DNAH12: variants seen among roughly 807,000 people sequenced by gnomAD.
DNAH12 encodes axonemal beta dynein heavy chain 12.
In DNAH12, 285 loss-of-function variants were observed where a neutral mutation model predicts 371.5. The observed-to-expected ratio is 0.77, with a 90% CI of 0.70 to 0.85. The LOEUF is 0.85. Among genes scored for constraint, DNAH12 ranks in the 40% least tolerant of loss-of-function variants. The probability of loss-of-function intolerance (pLI) is 0.00; values close to 1 mark genes in which losing one functional copy is unlikely to be tolerated. For missense variants in DNAH12, 3,611 were observed against 3,689.4 expected, an observed-to-expected ratio of 0.98 and a Z score of 0.55; for synonymous variants, 1,200 against 1,213.0, an observed-to-expected ratio of 0.99 and a Z score of 0.22.
Position 57,375,867 on chromosome 3 carries a change from G to A in DNAH12, c.8564C>T (p.Thr2855Ile), listed in dbSNP as rs1226701566. 1 of 152,110 alleles carries A rather than the reference G, an allele frequency of 6.6e-6. No homozygotes were observed. Among genetic ancestry groups the A allele is most frequent in the Non-Finnish European group, 1.5e-5 (1 of 68,008 alleles). 9.4% of individuals were successfully genotyped at this position (152,110 alleles called of 1,614,324 possible). A position where few individuals can be genotyped will look rare whatever the true frequency, so the allele number is the denominator to read the frequency against. Residue 2855 changes from threonine to isoleucine, a missense_variant, in exon 54 of 74, where the codon ACT (threonine) becomes ATT (isoleucine). Thr to Ile is a moderately conservative substitution (Grantham distance 89). This residue lies in a region of DNAH12 where 2,266 missense variants were observed against 2,236.9 expected (regional missense o/e 1.01). Transcript: ENST00000495027. Reference sequence around the variant, plus strand: ...TGTACATGTTTGTCGAAAGCCAGAAGTGAAAGCACCAAGGTAAGCTATTAC... The same window carrying A: ...TGTACATGTTTGTCGAAAGCCAGAAATGAAAGCACCAAGGTAAGCTATTAC... The part of the protein sequence containing the change: ...AGVIAYLGAF[T>I]SGFRQTCTKD...
intron 45 of DNAH12, among the ~76,000 whole-genome samples, chr3:57,388,103 C>T (rs1311980828): frequency 2.6e-5 from 4 of 152,078 alleles, no homozygotes; most frequent in African/African-American, 9.7e-5. Context: ...GAAATGGTTC[C>T]TTCCTTGGCT....
intron 45 of DNAH12, among the ~76,000 whole-genome samples, chr3:57,390,753 G>A (rs1226120399): frequency 2.1e-5 from 3 of 144,758 alleles, no homozygotes; most frequent in Non-Finnish European, 4.6e-5. Context: ...CTTCCAGCAT[G>A]ACTGAAATTG....
At chr3:57,302,529 G>GTATATATATA (rs71088055) in intron 69 of DNAH12, among the ~76,000 whole-genome samples, 1 of 47,852 alleles carries the variant, frequency 2.1e-5, no homozygotes, top group East Asian at 1.2e-3. Context: ...GGCATCAGGT[G>GTATATATATA]TATATATATA....
chr3:57,320,226 G>C (rs547857069), intron 65 of DNAH12, among the ~76,000 whole-genome samples: 1 of 152,264 alleles, frequency 6.6e-6, no homozygotes, highest in African/African-American at 2.4e-5. Flanking sequence ...TAAAATGTCA[G>C]CTCCATAAAG....
At chr3:57,476,497 G>T (rs552660224) in intron 13 of DNAH12, among the ~76,000 whole-genome samples, 31 of 152,320 alleles carry the variant, frequency 2.0e-4, no homozygotes, top group African/African-American at 7.5e-4. Flanking sequence ...CCAGGAGGCG[G>T]AGGTTGCAGT....
At chr3:57,371,941 C>CAAAAAAAAAAAAAAAAAAAAAAAA (rs1169602185) in intron 55 of DNAH12, among the ~76,000 whole-genome samples, 5 of 25,862 alleles carry the variant, frequency 1.9e-4, no homozygotes, top group Admixed American at 3.3e-4. Flanking sequence ...CTAAACTCAG[C>CAAAAAAAAAAAAAAAAAAAAAAAA]AAAAAAAAAA....
chr3:57,359,080 G>A (rs1362577218), intron 58 of DNAH12, among the ~76,000 whole-genome samples: 4 of 152,066 alleles, frequency 2.6e-5, no homozygotes, highest in African/African-American at 4.8e-5. Context: ...CACTGCACCC[G>A]GCCGTAATTT....
At chr3:57,321,047 T>C (rs1479081943) in intron 65 of DNAH12, among the ~76,000 whole-genome samples, 1 of 152,186 alleles carries the variant, frequency 6.6e-6, no homozygotes, top group Non-Finnish European at 1.5e-5. Context: ...GAATGCTTCT[T>C]CTCTAACTCA....
At chr3:57,480,820 A>C (rs1454092060) in intron 13 of DNAH12, among the ~76,000 whole-genome samples, 1 of 152,212 alleles carries the variant, frequency 6.6e-6, no homozygotes, top group Non-Finnish European at 1.5e-5. Context: ...GACAAAAACC[A>C]TATGATTATC....
chr3:57,448,847 T>C (rs994564683), intron 25 of DNAH12, among the ~76,000 whole-genome samples: 10 of 152,038 alleles, frequency 6.6e-5, no homozygotes, highest in Admixed American at 1.3e-4. Flanking sequence ...GAGTGTTGAT[T>C]GGTGCACTCA....
chr3:57,304,585 G>A (rs569551916), intron 69 of DNAH12, among the ~76,000 whole-genome samples: 4 of 152,226 alleles, frequency 2.6e-5, no homozygotes, highest in South Asian at 2.1e-4. Flanking sequence ...AAACTCCGGC[G>A]CTGAACATGG....
chr3:57,344,150 C>G (rs558862937), intron 60 of DNAH12, among the ~76,000 whole-genome samples: 1 of 152,402 alleles, frequency 6.6e-6, no homozygotes, highest in South Asian at 2.1e-4. Context: ...TATTTCTTTT[C>G]TCAGTCTCTC....
chr3:57,535,967 G>A (rs749194866), intron 2 of DNAH12, among the ~76,000 whole-genome samples: 28 of 151,856 alleles, frequency 1.8e-4, no homozygotes, highest in Non-Finnish European at 3.8e-4. Context: ...CACCTGAGTC[G>A]CTGGGATTAT....
chr3:57,441,333 G>A (rs1317390215), intron 29 of DNAH12, among the ~76,000 whole-genome samples: 1 of 152,018 alleles, frequency 6.6e-6, no homozygotes, highest in African/African-American at 2.4e-5. Flanking sequence ...TAACCTTGAA[G>A]ATAGGTCAAT....
chr3:57,392,888 A>G (rs2063654808), intron 44 of DNAH12, among the ~76,000 whole-genome samples: 1 of 152,202 alleles, frequency 6.6e-6, no homozygotes, highest in Non-Finnish European at 1.5e-5. Context: ...TTGGATGGGC[A>G]TATGGAGGAT....
chr3:57,536,779 C>A (rs1484073994), intron 2 of DNAH12, among the ~76,000 whole-genome samples: 2 of 152,166 alleles, frequency 1.3e-5, no homozygotes, highest in Non-Finnish European at 2.9e-5. Context: ...ACTTCCGGTT[C>A]TTTATATATG....
At chr3:57,510,085 TTTTA>T (rs1378744663) in intron 5 of DNAH12, among the ~76,000 whole-genome samples, 4 of 151,924 alleles carry the variant, frequency 2.6e-5, no homozygotes, top group African/African-American at 9.7e-5. Context: ...TATATACAAT[TTTTA>T]TTTGTCAATT....
intron 36 of DNAH12, among the ~76,000 whole-genome samples, chr3:57,420,239 G>A (rs2064524952): frequency 6.6e-6 from 1 of 152,024 alleles, no homozygotes; most frequent in South Asian, 2.1e-4. Flanking sequence ...CCCCTCCCTG[G>A]AGAACCCCAG....
In DNAH12 at chr3:57,428,815, T is replaced by C; in HGVS notation, c.5071A>G (p.Thr1691Ala). The C allele has an allele frequency of 3.9e-6, 6 of 1,522,652 alleles. No homozygotes were observed. Among genetic ancestry groups the C allele is most frequent in the Non-Finnish European group, 4.4e-6 (5 of 1,137,332 alleles). The allele number at this position is 1,522,652 out of a possible 1,614,324, so 94.3% of individuals were successfully genotyped here. ...TMDLSQASPA[T>A]VSRCGMIYLE... ...TAAATCATACCACAACGACTTACAG[T>C]GGCAGGCTAGAGAAAAAAGGCAACT... Residue 1691 changes from threonine (T) to alanine (A), a missense_variant, in exon 34 of 74, where the codon ACT becomes GCT. Around this residue, in one of 3 missense-constraint regions of DNAH12, gnomAD observed 2,266 missense variants for 2,236.9 expected, o/e 1.01. Coordinates refer to ENST00000495027, the MANE Select transcript of DNAH12 (RefSeq NM_001366028.2).
Sources: allele counts gnomAD v4.1 joint callset (sites outside exome capture counted in the v4.1 genomes callset), GRCh38; gene constraint gnomAD v4.1.1; regional missense constraint gnomAD v4.1.1; transcripts MANE v1.5; gene names NCBI Gene and HGNC (gene_info 2026-07-23, HGNC 2026-07-21).